Variants in SCN3A observed in about 807,000 individuals in gnomAD.
SCN3A encodes the protein sodium voltage-gated channel alpha subunit 3, also known as sodium channel protein type 3 subunit alpha.
SCN3A carries 60 observed loss-of-function variants against 187.6 expected under a neutral mutation model. The observed-to-expected ratio is 0.32, with a 90% confidence interval of 0.26 to 0.40. SCN3A has a LOEUF of 0.40. SCN3A is among the 10% of genes least tolerant of loss of function. The pLI is 1.00. For synonymous variants in SCN3A, 788 were observed against 829.2 expected, an observed-to-expected ratio of 0.95 and a Z score of 0.85; for missense variants, 1,601 against 2,428.2, an observed-to-expected ratio of 0.66 and a Z score of 7.16.
At chr2:165,179,662 T>A (rs1173816379) in intron 2 of SCN3A, 1 of 152,344 alleles carries the variant, frequency 6.6e-6, no homozygotes, top group East Asian at 1.9e-4. Context: ...CCTCGGAAGA[T>A]AGGCTAGTTC....
intron 12 of SCN3A, among the ~76,000 whole-genome samples, chr2:165,144,352 A>G (rs769514655): frequency 6.6e-6 from 1 of 152,118 alleles, no homozygotes; most frequent in African/African-American, 2.4e-5. Context: ...TCTTCTGTCT[A>G]TTTACAAATA....
Position 165,157,264 on chromosome 2 carries a change from C to T in SCN3A, c.1032-1361G>A, listed in dbSNP as rs576842264. On this transcript the variant is annotated intron_variant, in intron 9 of 27. Transcript: ENST00000283254. ...GTTCCAGGATCCCATTCAGGATACACATCGCATTTAGTAGTTATGTCTTTT... is the reference window on the plus strand; with the variant it reads ...GTTCCAGGATCCCATTCAGGATACATATCGCATTTAGTAGTTATGTCTTTT... Among the ~76,000 whole-genome samples, 27 of 152,246 alleles carry T rather than the reference C, an allele frequency of 1.8e-4. No individual in the cohort carries two copies. The East Asian group carries it at 3.1e-3, about 17-fold the overall frequency.
At chr2:165,110,814 T>C (rs1042681121) in intron 21 of SCN3A, among the ~76,000 whole-genome samples, 3 of 152,184 alleles carry the variant, frequency 2.0e-5, no homozygotes, top group African/African-American at 4.8e-5. Context: ...CAAAGTAATT[T>C]TGGGGCACCA....
chr2:165,139,676 C>A, intron 13 of SCN3A, 68 bp from the exon 14 acceptor site: 2 of 1,592,170 alleles, frequency 1.3e-6, no homozygotes, highest in Non-Finnish European at 1.7e-6. Context: ...CATAGCATTT[C>A]TTTGGCAAAT....
chr2:165,138,145 G>C, intron 14 of SCN3A, 28 bp from the exon 15 acceptor site: 2 of 1,509,446 alleles, frequency 1.3e-6, no homozygotes, highest in Non-Finnish European at 1.8e-6. Flanking sequence ...AGGAAGAGTA[G>C]TAAATAACAA....
chr2:165,156,899 C>T (rs980154831), intron 9 of SCN3A, among the ~76,000 whole-genome samples: 2 of 151,586 alleles, frequency 1.3e-5, no homozygotes, highest in African/African-American at 4.8e-5. Context: ...CAGATTTCAT[C>T]AGTTTTTTTC....
At chr2:165,130,976 A>C (rs914965811) in intron 16 of SCN3A, among the ~76,000 whole-genome samples, 1 of 152,094 alleles carries the variant, frequency 6.6e-6, no homozygotes, top group African/African-American at 2.4e-5. Context: ...AGGCCAAAAA[A>C]GCTTCATAAA....
intron 18 of SCN3A, among the ~76,000 whole-genome samples, chr2:165,119,176 G>A (rs1349046208): frequency 1.3e-5 from 2 of 152,178 alleles, no homozygotes; most frequent in African/African-American, 4.8e-5. Flanking sequence ...AAAGTGTTGG[G>A]ATTATAGGCA....
intron 7 of SCN3A, among the ~76,000 whole-genome samples, 199 bp downstream of exon 7, chr2:165,163,419 G>T (rs1689533306): frequency 6.6e-6 from 1 of 152,090 alleles, no homozygotes. Context: ...GCAATTTTCT[G>T]TTAAACTCAA....
chr2:165,139,414 A>T, intron 14 of SCN3A, 62 bp downstream of exon 14: 6 of 1,608,940 alleles, frequency 3.7e-6, no homozygotes, highest in Non-Finnish European at 5.1e-6. Flanking sequence ...CTATGAAAAG[A>T]AGGAATAGTT....
At chr2:165,188,961 G>A (rs997986692) in intron 1 of SCN3A, among the ~76,000 whole-genome samples, 4 of 152,058 alleles carry the variant, frequency 2.6e-5, no homozygotes, top group Admixed American at 6.6e-5. Flanking sequence ...TTGTGCAAGC[G>A]ATGCATGGAT....
chr2:165,124,319 T>A (rs1428583883), intron 18 of SCN3A, among the ~76,000 whole-genome samples: 3 of 152,158 alleles, frequency 2.0e-5, no homozygotes, highest in African/African-American at 7.2e-5. Flanking sequence ...CATTATGAAA[T>A]TTTAAAAATA....
Position 165,146,817 on chromosome 2 carries a change from G to A in SCN3A, c.1593C>T (p.Ser531=), listed in dbSNP as rs769511266. ...DSFPKSESED[S]VKRSSFLFSM... is the part of the protein sequence containing the mutation. ...AGAAAAGGAAGCTGCTTCTTTTGACGCTGTCTTCAGATTCGGATTTGGGAA... is the reference window on the plus strand; with the variant it reads ...AGAAAAGGAAGCTGCTTCTTTTGACACTGTCTTCAGATTCGGATTTGGGAA... The change falls in exon 12 of 28, where the codon AGC becomes AGT. Residue 531 remains serine, a synonymous_variant. Transcript: ENST00000283254. 3 of 1,613,990 alleles carry A rather than the reference G, an allele frequency of 1.9e-6. No individual in the cohort carries two copies. The highest frequency in any genetic ancestry group is 2.2e-5 in the East Asian group (1 of 44,866).
At chr2:165,186,197 G>A (rs191231899) in intron 2 of SCN3A, among the ~76,000 whole-genome samples, 1 of 152,070 alleles carries the variant, frequency 6.6e-6, no homozygotes, top group African/African-American at 2.4e-5. Context: ...GTGAACCCGG[G>A]AGGCAGAGCT....
rs1687204371 is a variant in SCN3A, at chr2:165,129,788, T to G, written c.2922+152A>C. On this transcript the variant is annotated intron_variant, in intron 17 of 27. Transcript: ENST00000283254. Reference sequence around the variant, plus strand: ...ATGGGAAACCAGAGCCCAGGAGAAGTTAAATAACTTGCTTATTCTCTGAGT... The same window carrying G: ...ATGGGAAACCAGAGCCCAGGAGAAGGTAAATAACTTGCTTATTCTCTGAGT... 9 of 939,416 alleles carry G rather than the reference T, an allele frequency of 9.6e-6. No individual in the cohort carries two copies. The East Asian group carries it at 2.0e-4, about 21-fold the overall frequency. The allele number at this position is 939,416 out of a possible 1,614,324, so 58.2% of individuals were successfully genotyped here. A position where few individuals can be genotyped will look rare whatever the true frequency, so the allele number is the denominator to read the frequency against.
At chr2:165,174,404 G>A (rs1312637575) in intron 3 of SCN3A, among the ~76,000 whole-genome samples, 1 of 150,012 alleles carries the variant, frequency 6.7e-6, no homozygotes, top group Non-Finnish European at 1.5e-5. Context: ...GCATGTGTTA[G>A]GTAGTTCAGT....
intron 1 of SCN3A, among the ~76,000 whole-genome samples, chr2:165,189,593 T>A (rs1005412217): frequency 2.4e-4 from 37 of 152,196 alleles, no homozygotes; most frequent in African/African-American, 8.9e-4. Context: ...ACAAATTAAA[T>A]CTTTAATTTT....
chr2:165,097,205 T>C, intron 23 of SCN3A, 47 bp downstream of exon 23: 2 of 1,611,304 alleles, frequency 1.2e-6, no homozygotes, highest in Admixed American at 3.3e-5. Flanking sequence ...TAATCTTCCT[T>C]GAAACATCTT....
At chr2:165,183,123 G>C (rs1213821475) in intron 2 of SCN3A, among the ~76,000 whole-genome samples, 1 of 152,182 alleles carries the variant, frequency 6.6e-6, no homozygotes, top group Non-Finnish European at 1.5e-5. Context: ...AAAGGGAACA[G>C]AGAGGATGAT....
Sources: gnomAD v4.1 joint callset for allele counts (sites outside exome capture counted in the v4.1 genomes callset) on GRCh38, gnomAD v4.1.1 for gene constraint, MANE v1.5 for transcripts, NCBI Gene and HGNC (gene_info 2026-07-23, HGNC 2026-07-21) for gene names.